Variants in MECOM observed in about 807,000 individuals in gnomAD.
The protein encoded by MECOM is histone-lysine N-methyltransferase MECOM.
MECOM carries 13 observed loss-of-function variants against 116.3 expected under a neutral mutation model. The observed-to-expected ratio is 0.11, with a 90% confidence interval of 0.07 to 0.18. The LOEUF (loss-of-function observed/expected upper bound fraction) is 0.18. MECOM is among the 10% of genes least tolerant of loss of function. The pLI is 1.00. For missense variants in MECOM, 1,299 were observed against 1,509.0 expected (o/e 0.86, Z 2.31); for synonymous variants, 528 against 535.2 (o/e 0.99, Z 0.19).
At chr3:169,094,966 C>A in intron 13 of MECOM, 110 bp downstream of exon 13, 1 of 963,236 alleles carries the variant, frequency 1.0e-6, no homozygotes, top group Non-Finnish European at 1.4e-6. Context: ...ACAATAAGAC[C>A]TGATTTTGGC....
intron 2 of MECOM, among the ~76,000 whole-genome samples, chr3:169,216,522 A>G (rs1751437694): frequency 2.0e-5 from 3 of 151,510 alleles, no homozygotes; most frequent in South Asian, 2.1e-4. Context: ...CATTTTTGCT[A>G]TTTCTGAAAT....
chr3:169,192,170 C>T (rs1476167937), intron 2 of MECOM, among the ~76,000 whole-genome samples: 1 of 152,014 alleles, frequency 6.6e-6, no homozygotes. Flanking sequence ...TCACTAAGAA[C>T]TCATATTCTA....
At chr3:169,200,870 A>G (rs1749056126) in intron 2 of MECOM, among the ~76,000 whole-genome samples, 1 of 152,062 alleles carries the variant, frequency 6.6e-6, no homozygotes, top group Admixed American at 6.6e-5. Flanking sequence ...GTTGCTGACC[A>G]TCATTCAAAT....
intron 2 of MECOM, among the ~76,000 whole-genome samples, chr3:169,344,716 G>T (rs1053859117): frequency 6.6e-6 from 1 of 152,172 alleles, no homozygotes. Flanking sequence ...GTCAGAATGA[G>T]GTTTCTAAAA....
intron 2 of MECOM, among the ~76,000 whole-genome samples, chr3:169,368,892 A>G (rs886463828): frequency 2.0e-5 from 3 of 152,028 alleles, no homozygotes; most frequent in African/African-American, 7.2e-5. Flanking sequence ...AAAGAAACTC[A>G]TGAGGGTTTG....
At chr3:169,201,243 T>C (rs892052591) in intron 2 of MECOM, among the ~76,000 whole-genome samples, 5 of 139,442 alleles carry the variant, frequency 3.6e-5, no homozygotes, top group African/African-American at 8.0e-5. Context: ...TATTCAACTA[T>C]GATTTTAGAC....
At chr3:169,152,672 C>T (rs1741355873) in intron 2 of MECOM, among the ~76,000 whole-genome samples, 1 of 152,116 alleles carries the variant, frequency 6.6e-6, no homozygotes, top group African/African-American at 2.4e-5. Context: ...TGTGTGCGTT[C>T]AGAATTAGCA....
intron 2 of MECOM, among the ~76,000 whole-genome samples, chr3:169,173,142 T>C (rs1215674449): frequency 2.6e-5 from 4 of 152,118 alleles, no homozygotes; most frequent in Middle Eastern, 3.2e-3. Context: ...TTATGAAAAT[T>C]ACAGCATTTG....
intron 2 of MECOM, among the ~76,000 whole-genome samples, chr3:169,280,649 G>C (rs555149071): frequency 3.3e-5 from 5 of 152,258 alleles, no homozygotes; most frequent in Admixed American, 2.6e-4. Flanking sequence ...ATGGATGAAG[G>C]GGACAGGTCA....
intron 2 of MECOM, among the ~76,000 whole-genome samples, chr3:169,304,170 T>C (rs545562600): frequency 6.6e-6 from 1 of 152,232 alleles, no homozygotes; most frequent in Non-Finnish European, 1.5e-5. Context: ...GAAAATACTT[T>C]TAATAGTTAA....
At chr3:169,624,720 G>C (rs1009916958) in intron 1 of MECOM, among the ~76,000 whole-genome samples, 1 of 152,174 alleles carries the variant, frequency 6.6e-6, no homozygotes, top group African/African-American at 2.4e-5. Context: ...TCACCCACAG[G>C]CTTTCCCTGG....
intron 1 of MECOM, chr3:169,484,071 G>T: frequency 2.0e-6 from 2 of 1,000,092 alleles, no homozygotes; most frequent in Non-Finnish European, 3.0e-6. Context: ...TAGCTACCAG[G>T]CATTTAAAAT....
rs902212544 is a variant in MECOM at position 169,268,224 on chromosome 3, C to T, written c.375+112963G>A. The stretch of plus-strand genomic sequence containing the variant: ...AAAAGATGTATGTCTAAGTTTATGG[C>T]GACAAACAGTGTTATTATCTCTCCT... On this transcript the variant is annotated intron_variant, in intron 2 of 16. Coordinates refer to ENST00000651503, the MANE Select transcript of MECOM (RefSeq NM_004991.4). Among the ~76,000 whole-genome samples, 14 of 152,084 alleles carry T rather than the reference C, an allele frequency of 9.2e-5. No homozygotes were observed. The East Asian group carries it at 1.5e-3, about 17-fold the overall frequency.
At chr3:169,370,291 A>G (rs1729875087) in intron 2 of MECOM, among the ~76,000 whole-genome samples, 1 of 152,006 alleles carries the variant, frequency 6.6e-6, no homozygotes, top group South Asian at 2.1e-4. Flanking sequence ...CTCTTCAATA[A>G]ATGGTGCTGA....
intron 1 of MECOM, among the ~76,000 whole-genome samples, chr3:169,531,206 G>A (rs1758583580): frequency 6.6e-6 from 1 of 152,120 alleles, no homozygotes; most frequent in South Asian, 2.1e-4. Flanking sequence ...CTATCTCAGT[G>A]CCATTATGAC....
At chr3:169,398,738 C>A (rs189724563) in intron 1 of MECOM, among the ~76,000 whole-genome samples, 11 of 152,306 alleles carry the variant, frequency 7.2e-5, no homozygotes, top group Non-Finnish European at 1.5e-5. Flanking sequence ...ACCAACAATA[C>A]TCCTGCTCCT....
intron 1 of MECOM, among the ~76,000 whole-genome samples, chr3:169,479,016 T>C (rs1427228354): frequency 6.6e-6 from 1 of 152,124 alleles, no homozygotes; most frequent in Non-Finnish European, 1.5e-5. Context: ...GTACCAGGCA[T>C]AGAACTGAAT....
At chr3:169,309,435 A>T (rs1223367057) in intron 2 of MECOM, among the ~76,000 whole-genome samples, 2 of 152,150 alleles carry the variant, frequency 1.3e-5, no homozygotes, top group Non-Finnish European at 1.5e-5. Context: ...TCATACACCC[A>T]TTTTCTTTTT....
intron 1 of MECOM, among the ~76,000 whole-genome samples, chr3:169,630,808 A>C (rs548501013): frequency 6.6e-6 from 1 of 152,278 alleles, no homozygotes. Flanking sequence ...CCATGTACTC[A>C]GCACCAATTC....
Sources: allele counts gnomAD v4.1 joint callset (sites outside exome capture counted in the v4.1 genomes callset), GRCh38; gene constraint gnomAD v4.1.1; transcripts MANE v1.5; gene names NCBI Gene and HGNC (gene_info 2026-07-23, HGNC 2026-07-21).